Variants in EIF3L observed in about 807,000 individuals in gnomAD.
EIF3L encodes eukaryotic translation initiation factor 3 subunit L.
Under a neutral mutation model 74.6 loss-of-function variants are expected in EIF3L, and 32 were observed. That is an observed-to-expected ratio of 0.43 (90% CI 0.32 to 0.58). The LOEUF is 0.58. Among genes scored for constraint, EIF3L ranks in the 20% least tolerant of loss-of-function variants. EIF3L has a pLI of 0.06. For synonymous variants in EIF3L, 256 were observed against 254.4 expected (o/e 1.01, Z -0.06); for missense variants, 474 against 707.8 (o/e 0.67, Z 3.75).
chr22:37,857,822 C>T (rs1213266389), intron 4 of EIF3L, among the ~76,000 whole-genome samples: 2 of 152,120 alleles, frequency 1.3e-5, no homozygotes, highest in Non-Finnish European at 2.9e-5. Context: ...GCATGAGCCA[C>T]TGCACCTGGC....
chr22:37,859,653 A>G (rs1413266080), intron 5 of EIF3L, among the ~76,000 whole-genome samples: 1 of 151,072 alleles, frequency 6.6e-6, no homozygotes, highest in African/African-American at 2.4e-5. Context: ...AAGTGCTGGG[A>G]TGACAGGCGT....
intron 8 of EIF3L, chr22:37,871,068 CAGTGA>C (rs576643468): frequency 6.6e-6 from 1 of 151,854 alleles, no homozygotes; most frequent in Admixed American, 6.6e-5. Context: ...GCAAAGATTG[CAGTGA>C]ACTGAGATCA....
intron 7 of EIF3L, among the ~76,000 whole-genome samples, chr22:37,869,214 C>T (rs764990872): frequency 1.3e-4 from 20 of 152,186 alleles, no homozygotes; most frequent in Non-Finnish European, 2.8e-4. Context: ...CTGTAGCCTC[C>T]GCCTCCTGGG....
intron 7 of EIF3L, 63 bp downstream of exon 7, chr22:37,863,408 T>C: frequency 7.3e-7 from 1 of 1,369,890 alleles, no homozygotes; most frequent in Non-Finnish European, 1.0e-6. Context: ...GCTGTTACTA[T>C]TGTTTGTGTA....
In EIF3L at chr22:37,888,470, T is replaced by C. The variant is rs140763578; in HGVS notation, c.*6T>C. On this transcript the variant is annotated 3_prime_UTR_variant, in exon 13 of 13. Transcript: ENST00000652021. ...AGATGGGACAGAGACCTTGATGATATTCACACACATTCAGGAACCTGTTTT... is the reference window on the plus strand; with the variant it reads ...AGATGGGACAGAGACCTTGATGATACTCACACACATTCAGGAACCTGTTTT... 7 of 1,613,444 alleles carry C rather than the reference T, an allele frequency of 4.3e-6. No homozygotes were observed. In the East Asian group the frequency reaches 1.6e-4, roughly 36 times the overall value.
At chr22:37,863,427 G>T (rs1418172553) in intron 7 of EIF3L, 82 bp downstream of exon 7, 10 of 1,192,368 alleles carry the variant, frequency 8.4e-6, no homozygotes, top group Middle Eastern at 2.0e-4. Flanking sequence ...TAAAAAAGCT[G>T]CAGGGTGTAA....
rs373248331 is a variant in EIF3L, at chr22:37,849,493, C to G, written c.33+11C>G. 110 of 1,587,322 alleles carry G rather than the reference C, an allele frequency of 6.9e-5. No individual in the cohort carries two copies. The African/African-American group carries it at 1.3e-3, about 19-fold the overall frequency. ...GATTATGAGTCTGAGGTAAGGTGGC[C>G]GTAAGGGCGCGGTGGGCTCCACGAC... On this transcript the variant is annotated intron_variant, in intron 1 of 12. Coordinates refer to ENST00000652021, the MANE Select transcript of EIF3L (RefSeq NM_016091.4).
intron 5 of EIF3L, among the ~76,000 whole-genome samples, chr22:37,860,124 C>G (rs1310257194): frequency 6.6e-6 from 1 of 152,204 alleles, no homozygotes; most frequent in Non-Finnish European, 1.5e-5. Context: ...CAGCTGTCAG[C>G]ATCTGCACTT....
intron 8 of EIF3L, among the ~76,000 whole-genome samples, chr22:37,873,361 C>T (rs1266408393): frequency 6.6e-6 from 1 of 150,420 alleles, no homozygotes; most frequent in African/African-American, 2.4e-5. Context: ...TGCAGTGGCG[C>T]AATCTGGGCT....
rs146963047 is a variant in EIF3L at position 37,873,268 on chromosome 22, C to T, written c.752-1102C>T. 3.2e-3 allele frequency among the ~76,000 whole-genome samples: 488 copies of T among 150,696 alleles called. 5 individuals carry two copies. The highest frequency in any genetic ancestry group is 0.012 in the African/African-American group (479 of 41,096). ...CCTCCCAAAATGCTAGGATTACAGG[C>T]ATGAGCTGCGCTCAGTTGCGTATCA... On this transcript the variant is annotated intron_variant, in intron 8 of 12. Transcript: ENST00000652021.
chr22:37,866,325 C>T (rs1396244254), intron 7 of EIF3L, among the ~76,000 whole-genome samples: 1 of 152,144 alleles, frequency 6.6e-6, no homozygotes, highest in African/African-American at 2.4e-5. Context: ...GATGATGAAC[C>T]TTTGGGTTGT....
chr22:37,870,518 G>T (rs1926413927), intron 8 of EIF3L, among the ~76,000 whole-genome samples, 171 bp downstream of exon 8: 1 of 152,082 alleles, frequency 6.6e-6, no homozygotes, highest in Non-Finnish European at 1.5e-5. Flanking sequence ...ATTTGTGCTG[G>T]GGGCTCTGGG....
In EIF3L at chr22:37,888,575, C is replaced by T; in HGVS notation, c.*111C>T. 1.8e-6 allele frequency: 2 copies of T among 1,142,366 alleles called. No homozygotes were observed. Among genetic ancestry groups the T allele is most frequent in the Non-Finnish European group, 1.3e-6 (1 of 765,510 alleles). 70.8% of individuals were successfully genotyped at this position (1,142,366 alleles called of 1,614,324 possible). A position where few individuals can be genotyped will look rare whatever the true frequency, so the allele number is the denominator to read the frequency against. On this transcript the variant is annotated 3_prime_UTR_variant, in exon 13 of 13. Transcript: ENST00000652021. ...GCCATCAGCCTGTCAACTCAGTTAA[C>T]AAGTTAAGGACCGAAGTGTTTCAAG...
intron 7 of EIF3L, among the ~76,000 whole-genome samples, chr22:37,865,352 C>T (rs959631333): frequency 2.6e-5 from 4 of 151,660 alleles, no homozygotes; most frequent in South Asian, 2.1e-4. Context: ...CCTAGCTACT[C>T]GGGAGGCTGA....
Position 37,888,803 on chromosome 22 carries a change from C to T in EIF3L, c.*339C>T, listed in dbSNP as rs1927450119. 4 of 261,514 alleles carry T rather than the reference C, an allele frequency of 1.5e-5. No homozygotes were observed. The highest frequency in any genetic ancestry group is 5.4e-5 in the Admixed American group (1 of 18,596). The allele number at this position is 261,514 out of a possible 1,614,324, so 16.2% of individuals were successfully genotyped here. On this transcript the variant is annotated 3_prime_UTR_variant, in exon 13 of 13. Coordinates refer to ENST00000652021, the MANE Select transcript of EIF3L (RefSeq NM_016091.4). ...TGTCTCCCAGGCTGGAGTGCAGTAG[C>T]GTGATCTCAGTTCGTTGCATCCTCC... is the stretch of plus-strand genomic sequence containing the variant.
chr22:37,878,200 T>C, intron 11 of EIF3L, 29 bp downstream of exon 11: 1 of 1,557,716 alleles, frequency 6.4e-7, no homozygotes. Context: ...CTTGGGGTCT[T>C]GTATTAAGTG....
intron 3 of EIF3L, among the ~76,000 whole-genome samples, chr22:37,852,263 G>C (rs73413908): frequency 0.054 from 8,236 of 152,220 alleles, 734 homozygotes; most frequent in African/African-American, 0.18. Flanking sequence ...TTCACAGTAA[G>C]CCCATGAAGT....
At chr22:37,852,599 A>G (rs1449153047) in intron 3 of EIF3L, among the ~76,000 whole-genome samples, 2 of 152,100 alleles carry the variant, frequency 1.3e-5, no homozygotes, top group Non-Finnish European at 2.9e-5. Context: ...TGATCAATGA[A>G]TAGGATCTCT....
chr22:37,850,059 C>G lies in EIF3L; in HGVS notation c.78C>G (p.His26Gln). 1.9e-6 allele frequency: 3 copies of G among 1,613,644 alleles called. No homozygotes were observed. The highest frequency in any genetic ancestry group is 2.5e-6 in the Non-Finnish European group (3 of 1,179,696). The change falls in exon 2 of 13, where the codon CAC becomes CAG. Residue 26 changes from histidine (H) to glutamine (Q), a missense_variant. This residue lies in a region of EIF3L where 141 missense variants were observed against 197.7 expected (regional missense o/e 0.71). Coordinates refer to ENST00000652021, the MANE Select transcript of EIF3L (RefSeq NM_016091.4). ...CTTATCCCAGCGACTATGATATGCA[C>G]ACAGGTGAGACCACGGGTTAGGCTG... Reference protein sequence around the residue: ...PYAYPSDYDMHTGDPKQDLAY... With the variant: ...PYAYPSDYDMQTGDPKQDLAY...
Sources: allele counts gnomAD v4.1 joint callset (sites outside exome capture counted in the v4.1 genomes callset), GRCh38; gene constraint gnomAD v4.1.1; regional missense constraint gnomAD v4.1.1; transcripts MANE v1.5; gene names NCBI Gene and HGNC (gene_info 2026-07-23, HGNC 2026-07-21).